PPP2R2B: variants seen among roughly 807,000 people sequenced by gnomAD.
PPP2R2B encodes the protein protein phosphatase 2 regulatory subunit Bbeta, also known as serine/threonine-protein phosphatase 2A 55 kDa regulatory subunit B beta isoform.
Under a neutral mutation model 46.0 loss-of-function variants are expected in PPP2R2B, and 5 were observed. The ratio of observed to expected loss-of-function variants is 0.11; its 90% CI spans 0.06 to 0.23. The LOEUF (loss-of-function observed/expected upper bound fraction) is 0.23. Ranked by LOEUF, PPP2R2B falls within the 10% of genes least tolerant of loss-of-function variation. The pLI is 1.00. For missense variants in PPP2R2B, 367 were observed against 575.0 expected (o/e 0.64, Z 3.70); for synonymous variants, 215 against 206.7 (o/e 1.04, Z -0.34).
intron 2 of PPP2R2B, among the ~76,000 whole-genome samples, chr5:146,809,243 G>T (rs1051002284): frequency 6.6e-6 from 1 of 152,108 alleles, no homozygotes; most frequent in Non-Finnish European, 1.5e-5. Flanking sequence ...AATGGAGACA[G>T]AAATTCTTGG....
intron 1 of PPP2R2B, among the ~76,000 whole-genome samples, chr5:146,943,668 G>A (rs940690794): frequency 6.6e-6 from 1 of 151,874 alleles, no homozygotes; most frequent in African/African-American, 2.4e-5. Context: ...GTTTAGAGAG[G>A]CACTCATTTT....
At chr5:146,956,265 T>G in intron 1 of PPP2R2B, among the ~76,000 whole-genome samples, 1 of 152,186 alleles carries the variant, frequency 6.6e-6, no homozygotes, top group East Asian at 1.9e-4. Context: ...TACAAGGTTT[T>G]TGCACAATTT....
intron 5 of PPP2R2B, among the ~76,000 whole-genome samples, chr5:146,666,510 C>T (rs774499493): frequency 6.6e-6 from 1 of 152,196 alleles, no homozygotes; most frequent in African/African-American, 2.4e-5. Context: ...CTTTAATGAG[C>T]ACAACTTTCT....
intron 2 of PPP2R2B, chr5:146,706,929 C>G: frequency 8.7e-7 from 1 of 1,153,070 alleles, no homozygotes; most frequent in South Asian, 1.2e-5. Flanking sequence ...CGGATCTCCT[C>G]TTCATACAGC....
intron 6 of PPP2R2B, among the ~76,000 whole-genome samples, chr5:146,641,369 G>C (rs950276080): frequency 6.6e-6 from 1 of 152,080 alleles, no homozygotes; most frequent in Non-Finnish European, 1.5e-5. Flanking sequence ...GACAATTTTG[G>C]TTCCTTTGAA....
At chr5:146,914,072 A>G (rs1388794077) in intron 1 of PPP2R2B, 1 of 148,980 alleles carries the variant, frequency 6.7e-6, no homozygotes, top group Non-Finnish European at 1.5e-5. Flanking sequence ...TTAATTTCCA[A>G]TGTTTGAAAG....
chr5:146,789,622 G>C (rs1033337105), intron 2 of PPP2R2B, among the ~76,000 whole-genome samples: 12 of 152,180 alleles, frequency 7.9e-5, no homozygotes, highest in African/African-American at 2.6e-4. Context: ...TCACGGGCAT[G>C]GTCCCTGCCC....
At chr5:146,756,941 G>A (rs1464523974) in intron 2 of PPP2R2B, among the ~76,000 whole-genome samples, 1 of 152,152 alleles carries the variant, frequency 6.6e-6, no homozygotes, top group Non-Finnish European at 1.5e-5. Context: ...TTACATTCTG[G>A]TGGAGGAGGC....
chr5:146,955,778 T>TA (rs1301365935), intron 1 of PPP2R2B, among the ~76,000 whole-genome samples: 3 of 144,888 alleles, frequency 2.1e-5, no homozygotes, highest in African/African-American at 5.1e-5. Context: ...CTATTACTTT[T>TA]TTTTTTTTTT....
At position 146,784,979 on chromosome 5, in the gene PPP2R2B, AAG is replaced by A. The variant is rs1186165935; in HGVS notation, c.71-83839_71-83838del. ...GCGAAGAAAAAAGCAAACAGAAAAT[AAG>A]AGTCACCCAAGAGTGCATCACACCC... On this transcript the variant is annotated intron_variant, in intron 2 of 9. Transcript: ENST00000394411. 2.6e-5 allele frequency among the ~76,000 whole-genome samples: 4 copies of A among 152,240 alleles called. No individual in the cohort carries two copies. In the East Asian group the frequency reaches 7.7e-4, roughly 29 times the overall value.
chr5:146,694,304 C>T (rs1420198335), intron 4 of PPP2R2B, among the ~76,000 whole-genome samples: 4 of 152,100 alleles, frequency 2.6e-5, no homozygotes, highest in African/African-American at 7.2e-5. Context: ...TGCTGCATAC[C>T]GAACTGCTTT....
rs543945803 is a variant in PPP2R2B, at chr5:147,067,001, T to G, written c.50+14058A>C. Among the ~76,000 whole-genome samples the G allele has an allele frequency of 3.3e-5, 5 of 152,290 alleles. No homozygotes were observed. In the South Asian group the frequency reaches 1.0e-3, roughly 32 times the overall value. On this transcript the variant is annotated intron_variant, in intron 2 of 10. Coordinates refer to the PPP2R2B transcript ENST00000394413. ...ACCTAGGTTAAAGAAAACAGCTGAT[T>G]GATAAAATAGAGGTAGAAAATGCTA... is the stretch of plus-strand genomic sequence containing the variant.
upstream of PPP2R2B, among the ~76,000 whole-genome samples, chr5:146,883,529 C>G (rs1312483589): frequency 6.6e-6 from 1 of 152,190 alleles, no homozygotes; most frequent in Non-Finnish European, 1.5e-5. Flanking sequence ...CATGAAGTCT[C>G]CTGCAAATGA....
At chr5:146,735,836 C>CTT (rs1325659854) in intron 2 of PPP2R2B, among the ~76,000 whole-genome samples, 1 of 152,144 alleles carries the variant, frequency 6.6e-6, no homozygotes, top group African/African-American at 2.4e-5. Context: ...AAAGAGTCAT[C>CTT]TATTGCTTGA....
chr5:146,870,528 G>A (rs1761556268), intron 2 of PPP2R2B, among the ~76,000 whole-genome samples: 1 of 152,180 alleles, frequency 6.6e-6, no homozygotes, highest in Non-Finnish European at 1.5e-5. Flanking sequence ...TGGACTTCCA[G>A]ACTCCAGAAA....
At chr5:146,991,527 A>G (rs1483882835) in intron 1 of PPP2R2B, among the ~76,000 whole-genome samples, 3 of 152,182 alleles carry the variant, frequency 2.0e-5, no homozygotes, top group Non-Finnish European at 4.4e-5. Context: ...GGGTGACTTT[A>G]GCAAATAACA....
chr5:147,058,853 A>G (rs1308991292), upstream of PPP2R2B, among the ~76,000 whole-genome samples: 1 of 152,180 alleles, frequency 6.6e-6, no homozygotes, highest in Non-Finnish European at 1.5e-5. Context: ...ATAATAATTT[A>G]TCCACAGGAG....
At chr5:147,036,327 C>A (rs1445843268) in intron 1 of PPP2R2B, among the ~76,000 whole-genome samples, 1 of 152,112 alleles carries the variant, frequency 6.6e-6, no homozygotes, top group East Asian at 1.9e-4. Flanking sequence ...CATCCATGTC[C>A]CTGAAAAGGA....
intron 2 of PPP2R2B, among the ~76,000 whole-genome samples, chr5:146,819,132 C>A (rs1400902955): frequency 6.6e-6 from 1 of 152,204 alleles, no homozygotes; most frequent in African/African-American, 2.4e-5. Context: ...TCAGGCCTTG[C>A]TCTGAATAAT....
Sources: allele counts gnomAD v4.1 joint callset (sites outside exome capture counted in the v4.1 genomes callset), GRCh38; gene constraint gnomAD v4.1.1; transcripts MANE v1.5; gene names NCBI Gene and HGNC (gene_info 2026-07-23, HGNC 2026-07-21).